The following SH3GL3 variants were observed in gnomAD, a reference collection of about 807,000 sequenced individuals.
SH3GL3 encodes SH3 domain containing GRB2 like 3, endophilin A3, also known as endophilin-A3.
In SH3GL3, 33 loss-of-function variants were observed where a neutral mutation model predicts 47.7. The ratio of observed to expected loss-of-function variants is 0.69; its 90% CI spans 0.52 to 0.92. SH3GL3 has a LOEUF of 0.92. Ranked by LOEUF, SH3GL3 falls within the 40% of genes least tolerant of loss-of-function variation. The pLI is 0.00. For synonymous variants in SH3GL3, 155 were observed against 148.8 expected (o/e 1.04, Z -0.30); for missense variants, 363 against 417.8 (o/e 0.87, Z 1.14).
intron 1 of SH3GL3, among the ~76,000 whole-genome samples, chr15:83,496,877 T>G (rs1432514073): frequency 3.3e-5 from 5 of 152,182 alleles, no homozygotes; most frequent in Admixed American, 1.3e-4. Context: ...TTGAGAGGCC[T>G]GGCTCTTTTC....
At chr15:83,535,261 G>C (rs2151686396) in intron 1 of SH3GL3, among the ~76,000 whole-genome samples, 1 of 151,782 alleles carries the variant, frequency 6.6e-6, no homozygotes, top group South Asian at 2.1e-4. Context: ...ATAAAACATT[G>C]TCAGCTTCAA....
chr15:83,532,942 CAT>C (rs1354147558), intron 1 of SH3GL3, among the ~76,000 whole-genome samples: 2 of 152,200 alleles, frequency 1.3e-5, no homozygotes, highest in African/African-American at 4.8e-5. Context: ...CATAATGAGA[CAT>C]ATGACTACCT....
intron 1 of SH3GL3, among the ~76,000 whole-genome samples, chr15:83,516,436 A>G (rs1431669626): frequency 6.6e-6 from 1 of 152,212 alleles, no homozygotes; most frequent in Non-Finnish European, 1.5e-5. Context: ...TTGCATTGCT[A>G]TAAAGAAATA....
rs558470988 is a variant in SH3GL3 at position 83,553,347 on chromosome 15, A to G, written c.46-5906A>G. The stretch of plus-strand genomic sequence containing the variant: ...GTGTTGTGTTTTAGTTGTGACTCTT[A>G]GAAGATGTATATAGCTAGATTGTTA... On this transcript the variant is annotated intron_variant, in intron 1 of 8. Coordinates refer to ENST00000427482, the MANE Select transcript of SH3GL3 (RefSeq NM_003027.5). Among the ~76,000 whole-genome samples the G allele has an allele frequency of 3.9e-5, 6 of 152,352 alleles. No individual in the cohort carries two copies. In the South Asian group the frequency reaches 1.2e-3, roughly 32 times the overall value.
At chr15:83,619,914 A>G (rs2060907574), downstream of SH3GL3, among the ~76,000 whole-genome samples, 1 of 152,214 alleles carries the variant, frequency 6.6e-6, no homozygotes, top group South Asian at 2.1e-4. Flanking sequence ...CTTCTTTCAA[A>G]ATTTGAGTCA....
rs267604347 is a variant in SH3GL3, at chr15:83,568,587, G to A, written c.246G>A (p.Lys82=). The change falls in exon 4 of 9, where the codon AAG becomes AAA. Residue 82 remains lysine (K), a synonymous_variant. Coordinates refer to ENST00000427482, the MANE Select transcript of SH3GL3 (RefSeq NM_003027.5). ...TGTCGAAGATCCGAGGGCAGGTGAAGACCACAGGATACCCGCAGACGGAAG... is the reference window on the plus strand; with the variant it reads ...TGTCGAAGATCCGAGGGCAGGTGAAAACCACAGGATACCCGCAGACGGAAG... The part of the protein sequence containing the change: ...NTVSKIRGQV[K]TTGYPQTEGL... 2 of 1,613,482 alleles carry A rather than the reference G, an allele frequency of 1.2e-6. No homozygotes were observed. Among genetic ancestry groups the A allele is most frequent in the South Asian group, 1.1e-5 (1 of 91,056 alleles).
At chr15:83,521,845 G>A (rs1235215450) in intron 1 of SH3GL3, among the ~76,000 whole-genome samples, 1 of 152,138 alleles carries the variant, frequency 6.6e-6, no homozygotes, top group Non-Finnish European at 1.5e-5. Flanking sequence ...GGCAGTGTTT[G>A]CTTATGTGTT....
chr15:83,565,058 A>G, intron 2 of SH3GL3, 76 bp from the exon 3 acceptor site: 1 of 619,030 alleles, frequency 1.6e-6, no homozygotes, highest in Non-Finnish European at 2.8e-6. Flanking sequence ...ATTAATGAAA[A>G]TTCCTCCTCT....
chr15:83,545,837 A>C (rs773805145), intron 1 of SH3GL3, among the ~76,000 whole-genome samples: 9 of 152,176 alleles, frequency 5.9e-5, no homozygotes, highest in South Asian at 2.1e-4. Context: ...TTGGATTACC[A>C]GGCAGAGTCT....
Position 83,448,836 on chromosome 15 carries a change from A to C in SH3GL3, c.45+1258A>C, listed in dbSNP as rs1350095896. Among the ~76,000 whole-genome samples, 2 of 152,174 alleles carry C rather than the reference A, an allele frequency of 1.3e-5. No individual in the cohort carries two copies. The highest frequency in any genetic ancestry group is 3.9e-4 in the East Asian group (2 of 5,180). On this transcript the variant is annotated intron_variant, in intron 1 of 8. Transcript: ENST00000427482. The surrounding 1 kb of genome is among the most constrained non-coding windows in gnomAD (Gnocchi z 4.2). Reference sequence around the variant, plus strand: ...GGTGATGCTGTTTCTAGCTGGGGGCACTGGGTGGACAGTGGTGCTATTCAA... The same window carrying C: ...GGTGATGCTGTTTCTAGCTGGGGGCCCTGGGTGGACAGTGGTGCTATTCAA...
chr15:83,555,285 A>G (rs1477141981), intron 1 of SH3GL3, among the ~76,000 whole-genome samples: 1 of 152,180 alleles, frequency 6.6e-6, no homozygotes, highest in Non-Finnish European at 1.5e-5. Flanking sequence ...TCCTTTATCT[A>G]TCATTTTAAT....
At chr15:83,632,505 A>T in the SH3GL3 span, among the ~76,000 whole-genome samples, 2 of 152,234 alleles carry the variant, frequency 1.3e-5, no homozygotes, top group Non-Finnish European at 2.9e-5. Context: ...CAGAGACTGG[A>T]TAATTTATAA....
intron 8 of SH3GL3, among the ~76,000 whole-genome samples, chr15:83,601,312 A>G (rs1384071957): frequency 6.6e-6 from 1 of 152,194 alleles, no homozygotes; most frequent in East Asian, 1.9e-4. Context: ...TTGTCGATTC[A>G]GTATTATGTT....
At chr15:83,578,587 A>G (rs767805492) in intron 6 of SH3GL3, among the ~76,000 whole-genome samples, 2 of 152,114 alleles carry the variant, frequency 1.3e-5, no homozygotes, top group Non-Finnish European at 2.9e-5. Flanking sequence ...GGAAATGCCA[A>G]TTTGAAATTT....
chr15:83,611,424 G>A (rs2060663438), intron 8 of SH3GL3: 1 of 152,180 alleles, frequency 6.6e-6, no homozygotes, highest in African/African-American at 2.4e-5. Context: ...CCAGGTCTCA[G>A]GAGTAAGAGA....
intron 1 of SH3GL3, among the ~76,000 whole-genome samples, chr15:83,463,227 C>T (rs560787981): frequency 2.0e-5 from 3 of 152,250 alleles, no homozygotes; most frequent in Non-Finnish European, 4.4e-5. Flanking sequence ...TTTCTAGGAC[C>T]AGGTTTATCA....
intron 1 of SH3GL3, among the ~76,000 whole-genome samples, chr15:83,508,299 C>T (rs147407474): frequency 1.1e-4 from 16 of 152,104 alleles, no homozygotes; most frequent in Non-Finnish European, 1.8e-4. Flanking sequence ...GACATTTAAA[C>T]GAAGACTTGG....
chr15:83,520,812 C>G (rs956642240), intron 1 of SH3GL3, among the ~76,000 whole-genome samples: 1 of 152,110 alleles, frequency 6.6e-6, no homozygotes, highest in Admixed American at 6.5e-5. Flanking sequence ...CTCTCCCACC[C>G]ACCCCCACAA....
intron 8 of SH3GL3, among the ~76,000 whole-genome samples, chr15:83,596,801 A>G (rs1012664264): frequency 1.3e-5 from 2 of 151,848 alleles, no homozygotes; most frequent in African/African-American, 4.8e-5. Context: ...ACTATCTTAA[A>G]TATCCTTCTC....
Sources: gnomAD v4.1 joint callset for allele counts (sites outside exome capture counted in the v4.1 genomes callset) on GRCh38, gnomAD v4.1.1 for gene constraint, Gnocchi (gnomAD v3.1) non-coding constraint, MANE v1.5 for transcripts, NCBI Gene and HGNC (gene_info 2026-07-23, HGNC 2026-07-21) for gene names.